Variants in GALNT8 observed in about 807,000 individuals in gnomAD.
GALNT8 encodes probable polypeptide N-acetylgalactosaminyltransferase 8.
A neutral mutation model predicts 62.7 loss-of-function variants in GALNT8; 66 were observed. The observed-to-expected ratio is 1.05, with a 90% CI of 0.86 to 1.29. The LOEUF is 1.29. Among genes scored for constraint, GALNT8 ranks in the 50% most tolerant of loss-of-function variants. The probability of loss-of-function intolerance (pLI) is 0.00; values close to 1 mark genes in which losing one functional copy is unlikely to be tolerated. For synonymous variants in GALNT8, 288 were observed against 294.3 expected (o/e 0.98, Z 0.22); for missense variants, 771 against 791.8 (o/e 0.97, Z 0.32).
chr12:4,732,512 G>A (rs1047138839), intron 2 of GALNT8, among the ~76,000 whole-genome samples: 1 of 66,994 alleles, frequency 1.5e-5, no homozygotes, highest in African/African-American at 5.8e-5. Context: ...TTCTCTGCCG[G>A]GAGGAGTGGC....
intron 2 of GALNT8, among the ~76,000 whole-genome samples, chr12:4,737,273 C>G (rs1350238755): frequency 1.3e-5 from 2 of 152,204 alleles, no homozygotes; most frequent in African/African-American, 4.8e-5. Context: ...AGAATCACAA[C>G]TTTACCAGAG....
intron 2 of GALNT8, among the ~76,000 whole-genome samples, chr12:4,730,772 G>A (rs1946218111): frequency 6.6e-6 from 1 of 151,940 alleles, no homozygotes; most frequent in African/African-American, 2.4e-5. Flanking sequence ...ATTTTGTTAG[G>A]GATTGAATTC....
chr12:4,762,134 A>G (rs1377845435), intron 7 of GALNT8, among the ~76,000 whole-genome samples: 1 of 152,194 alleles, frequency 6.6e-6, no homozygotes, highest in Non-Finnish European at 1.5e-5. Flanking sequence ...CATTGTTTGA[A>G]GAGAGATGGG....
chr12:4,731,103 T>C (rs1455420764), intron 2 of GALNT8, among the ~76,000 whole-genome samples: 1 of 152,170 alleles, frequency 6.6e-6, no homozygotes, highest in African/African-American at 2.4e-5. Flanking sequence ...CCCAAAGTGC[T>C]GGGATTACAA....
At chr12:4,740,031 C>T (rs1489248632) in intron 3 of GALNT8, among the ~76,000 whole-genome samples, 17 of 152,076 alleles carry the variant, frequency 1.1e-4, no homozygotes, top group Non-Finnish European at 1.5e-5. Context: ...GAGAAGGACT[C>T]CAGATACCAG....
chr12:4,732,679 T>C (rs565814036), intron 2 of GALNT8, among the ~76,000 whole-genome samples: 2 of 20,486 alleles, frequency 9.8e-5, no homozygotes, highest in East Asian at 1.5e-3. Flanking sequence ...GATTCTCTGC[T>C]GGGAGGAGTG....
At chr12:4,731,531 A>C (rs1270876860) in intron 2 of GALNT8, among the ~76,000 whole-genome samples, 5 of 152,160 alleles carry the variant, frequency 3.3e-5, no homozygotes, top group Admixed American at 2.6e-4. Context: ...GTTGAATACA[A>C]ATGTGAGAGC....
intron 8 of GALNT8, 40 bp downstream of exon 8, chr12:4,763,430 G>C (rs1359544635): frequency 6.5e-7 from 1 of 1,538,612 alleles, no homozygotes; most frequent in East Asian, 2.3e-5. Context: ...TTAAATGTTT[G>C]ACTGTGAAAG....
chr12:4,722,311 AC>A (rs1453983083), intron 1 of GALNT8, among the ~76,000 whole-genome samples: 1 of 152,034 alleles, frequency 6.6e-6, no homozygotes, highest in Non-Finnish European at 1.5e-5. Context: ...TTGTTAGAGG[AC>A]CTAAGATCGA....
intron 2 of GALNT8, among the ~76,000 whole-genome samples, chr12:4,728,100 A>C (rs1946204444): frequency 6.6e-6 from 1 of 152,020 alleles, no homozygotes; most frequent in African/African-American, 2.4e-5. Flanking sequence ...TTTTGTTTTA[A>C]ATTTCCCTGA....
At chr12:4,758,499 G>T (rs902776568) in intron 6 of GALNT8, among the ~76,000 whole-genome samples, 1 of 152,038 alleles carries the variant, frequency 6.6e-6, no homozygotes, top group Non-Finnish European at 1.5e-5. Context: ...ACATGGGCAG[G>T]TTACTTAAAG....
rs1217963985 is a variant in GALNT8 at position 4,720,702 on chromosome 12, A to G, written c.25A>G (p.Lys9Glu). The part of the protein sequence containing the change: MMFWRKLP[K>E]ALFIGLTLAI... ...GATGATGTTTTGGAGGAAACTCCCCAAAGCCCTCTTCATTGGGCTGACTCT... is the reference window on the plus strand; with the variant it reads ...GATGATGTTTTGGAGGAAACTCCCCGAAGCCCTCTTCATTGGGCTGACTCT... The change falls in exon 1 of 11, where the codon AAA (lysine) becomes GAA (glutamate). Residue 9 changes from lysine to glutamate, a missense_variant. Lys to Glu is a moderately conservative substitution (Grantham distance 56, BLOSUM62 1). Coordinates refer to ENST00000252318, the MANE Select transcript of GALNT8 (RefSeq NM_017417.2). The G allele has an allele frequency of 1.2e-6, 2 of 1,613,072 alleles. No individual in the cohort carries two copies. The highest frequency in any genetic ancestry group is 2.2e-5 in the South Asian group (2 of 91,064).
At chr12:4,762,784 GAAAAACTTCAGCC>G (rs1946378811) in intron 7 of GALNT8, among the ~76,000 whole-genome samples, 1 of 152,212 alleles carries the variant, frequency 6.6e-6, no homozygotes, top group Non-Finnish European at 1.5e-5. Flanking sequence ...GCTGTTAAAA[GAAAAACTTCAGCC>G]AAATTAAATT....
chr12:4,742,082 A>G (rs2137529622), intron 3 of GALNT8, among the ~76,000 whole-genome samples: 1 of 152,378 alleles, frequency 6.6e-6, no homozygotes. Flanking sequence ...CATCTGTAAC[A>G]TCAGGGAATA....
intron 6 of GALNT8, among the ~76,000 whole-genome samples, chr12:4,748,569 C>T (rs1946310083): frequency 6.6e-6 from 1 of 151,970 alleles, no homozygotes; most frequent in African/African-American, 2.4e-5. Flanking sequence ...TATTGTGGTT[C>T]ACTGGTCTAT....
intron 6 of GALNT8, among the ~76,000 whole-genome samples, chr12:4,758,008 A>G (rs1281457997): frequency 1.3e-5 from 2 of 152,110 alleles, no homozygotes; most frequent in Non-Finnish European, 2.9e-5. Flanking sequence ...ACCTAGGCTG[A>G]GTCTCTCTGT....
intron 2 of GALNT8, among the ~76,000 whole-genome samples, chr12:4,730,994 G>T (rs1946219629): frequency 6.6e-6 from 1 of 151,362 alleles, no homozygotes; most frequent in African/African-American, 2.4e-5. Context: ...GACTACAGGC[G>T]CCCACCACCA....
chr12:4,767,019 C>T (rs987908338), intron 10 of GALNT8, among the ~76,000 whole-genome samples: 1 of 151,736 alleles, frequency 6.6e-6, no homozygotes, highest in Non-Finnish European at 1.5e-5. Context: ...TCACTTTAAG[C>T]TCCAATTCTA....
At chr12:4,770,873 C>T (rs1377880193) in intron 10 of GALNT8, among the ~76,000 whole-genome samples, 1 of 152,058 alleles carries the variant, frequency 6.6e-6, no homozygotes, top group Non-Finnish European at 1.5e-5. Flanking sequence ...GACATTTGGA[C>T]ATGTTTAAAG....
Sources: allele counts gnomAD v4.1 joint callset (sites outside exome capture counted in the v4.1 genomes callset), GRCh38; gene constraint gnomAD v4.1.1; transcripts MANE v1.5; gene names NCBI Gene and HGNC (gene_info 2026-07-23, HGNC 2026-07-21).